ZRANB3: variants seen among roughly 807,000 people sequenced by gnomAD.
ZRANB3 encodes the protein DNA annealing helicase and endonuclease ZRANB3.
ZRANB3 carries 125 observed loss-of-function variants against 133.8 expected under a neutral mutation model. That is an observed-to-expected ratio of 0.93 (90% CI 0.81 to 1.08). The LOEUF is 1.08. Ranked by LOEUF, ZRANB3 falls within the 50% of genes least tolerant of loss-of-function variation. The pLI is 0.00. For synonymous variants in ZRANB3, 387 were observed against 432.7 expected (o/e 0.89, Z 1.31); for missense variants, 1,229 against 1,275.5 (o/e 0.96, Z 0.56).
intron 2 of ZRANB3, among the ~76,000 whole-genome samples, chr2:135,485,648 C>T (rs900250410): frequency 5.3e-5 from 8 of 152,236 alleles, no homozygotes; most frequent in South Asian, 4.1e-4. Context: ...GGAGATATTG[C>T]GGGTTCCGTT....
intron 8 of ZRANB3, among the ~76,000 whole-genome samples, chr2:135,286,368 C>T (rs907121790): frequency 1.3e-5 from 2 of 152,212 alleles, no homozygotes; most frequent in Non-Finnish European, 2.9e-5. Context: ...ACCTCCACAT[C>T]CCAGGTTCAC....
chr2:135,336,429 C>A (rs573366490), intron 6 of ZRANB3, among the ~76,000 whole-genome samples: 5 of 152,270 alleles, frequency 3.3e-5, no homozygotes, highest in African/African-American at 1.2e-4. Context: ...GACACCTTCA[C>A]AGAATCAAAA....
At chr2:135,514,943 G>T (rs1658574379) in intron 1 of ZRANB3, among the ~76,000 whole-genome samples, 1 of 152,114 alleles carries the variant, frequency 6.6e-6, no homozygotes, top group Non-Finnish European at 1.5e-5. Context: ...TACGTTTACT[G>T]ATTTGCATAT....
At chr2:135,411,386 T>C (rs748451658) in intron 2 of ZRANB3, among the ~76,000 whole-genome samples, 8 of 152,112 alleles carry the variant, frequency 5.3e-5, no homozygotes, top group Non-Finnish European at 8.8e-5. Context: ...AAAATAGAAT[T>C]ACCACTCAAA....
At chr2:135,404,029 C>A (rs1337165333) in intron 2 of ZRANB3, among the ~76,000 whole-genome samples, 1 of 152,196 alleles carries the variant, frequency 6.6e-6, no homozygotes, top group Non-Finnish European at 1.5e-5. Flanking sequence ...ACTGGAAACT[C>A]TAACAATCAG....
At chr2:135,291,327 C>T (rs1051823638) in intron 8 of ZRANB3, among the ~76,000 whole-genome samples, 4 of 152,048 alleles carry the variant, frequency 2.6e-5, no homozygotes, top group East Asian at 3.9e-4. Context: ...GTATTACTGG[C>T]GTGTGCCACC....
chr2:135,322,369 TTTGA>T (rs1456637743), intron 6 of ZRANB3, among the ~76,000 whole-genome samples: 1 of 152,136 alleles, frequency 6.6e-6, no homozygotes, highest in Non-Finnish European at 1.5e-5. Flanking sequence ...AAATCTTGGG[TTTGA>T]TTGTTATTGC....
intron 8 of ZRANB3, among the ~76,000 whole-genome samples, chr2:135,295,584 G>T (rs1682021587): frequency 1.3e-5 from 2 of 152,166 alleles, no homozygotes; most frequent in East Asian, 1.9e-4. Flanking sequence ...TACATTTAAG[G>T]TTAATATTGT....
chr2:135,469,244 GACAC>G (rs149939641), intron 2 of ZRANB3, among the ~76,000 whole-genome samples: 15,874 of 147,794 alleles, frequency 0.11, 1,076 homozygotes, highest in South Asian at 0.32. Flanking sequence ...CATGCATGCA[GACAC>G]ACACACACAC....
intron 12 of ZRANB3, among the ~76,000 whole-genome samples, chr2:135,262,215 T>C (rs1002783636): frequency 1.3e-5 from 2 of 150,772 alleles, no homozygotes; most frequent in African/African-American, 4.9e-5. Context: ...AAAGAAAATC[T>C]TACAAATAAT....
chr2:135,242,593 T>G (rs892245200), intron 12 of ZRANB3, among the ~76,000 whole-genome samples: 1 of 152,090 alleles, frequency 6.6e-6, no homozygotes, highest in Non-Finnish European at 1.5e-5. Context: ...TGGCTTTCGG[T>G]AGGTACTTTC....
chr2:135,494,357 T>G (rs1425920176), intron 2 of ZRANB3, among the ~76,000 whole-genome samples: 15 of 97,476 alleles, frequency 1.5e-4, no homozygotes, highest in South Asian at 3.6e-4. Context: ...GGAAGGAAAA[T>G]AAAGGAAAGA....
At chr2:135,421,496 AT>A (rs1688840094) in intron 2 of ZRANB3, among the ~76,000 whole-genome samples, 1 of 152,042 alleles carries the variant, frequency 6.6e-6, no homozygotes, top group Non-Finnish European at 1.5e-5. Context: ...TATTAGCCAT[AT>A]TTTCCCCCTT....
At chr2:135,480,034 C>T (rs761477195) in intron 2 of ZRANB3, among the ~76,000 whole-genome samples, 2 of 151,524 alleles carry the variant, frequency 1.3e-5, no homozygotes, top group South Asian at 2.1e-4. Flanking sequence ...CCTGGGTTCA[C>T]GCCATTCTCC....
In ZRANB3 at chr2:135,338,043, G is replaced by A. The variant is rs548911783; in HGVS notation, c.677+7507C>T. ...TGCTTCTCCAAGATGACTGTGCTGC[G>A]TATTTTTTAATACTATGTCAATTTT... On this transcript the variant is annotated intron_variant, in intron 6 of 20. Transcript: ENST00000264159. Among the ~76,000 whole-genome samples, 122 of 152,186 alleles carry A rather than the reference G, an allele frequency of 8.0e-4. 1 individual carries two copies. The highest frequency in any genetic ancestry group is 2.6e-3 in the African/African-American group (107 of 41,528).
chr2:135,275,529 T>A, intron 9 of ZRANB3, 107 bp downstream of exon 9: 2 of 835,536 alleles, frequency 2.4e-6, no homozygotes, highest in Non-Finnish European at 3.3e-6. Context: ...TTATATACCA[T>A]CATCTAAAGA....
At chr2:135,307,354 C>T (rs1332211969) in intron 8 of ZRANB3, among the ~76,000 whole-genome samples, 1 of 152,208 alleles carries the variant, frequency 6.6e-6, no homozygotes, top group Non-Finnish European at 1.5e-5. Context: ...GTGTAAGCCA[C>T]CACACCCGGC....
At chr2:135,293,537 G>C (rs1297679160) in intron 8 of ZRANB3, among the ~76,000 whole-genome samples, 4 of 152,300 alleles carry the variant, frequency 2.6e-5, no homozygotes, top group South Asian at 2.1e-4. Context: ...CATGTCATCT[G>C]CAAACAGGGA....
rs529149525 is a variant in ZRANB3, at chr2:135,254,415, C to T, written c.1539+11119G>A. ...AAAGAAAGTTAGCTATTTTCCTTAT[C>T]TTCGCATTCTCAAAATTTAGCATAT... On this transcript the variant is annotated intron_variant, in intron 12 of 20. Coordinates refer to ENST00000264159, the MANE Select transcript of ZRANB3 (RefSeq NM_032143.4). Among the ~76,000 whole-genome samples, 11 of 152,120 alleles carry T rather than the reference C, an allele frequency of 7.2e-5. No individual in the cohort carries two copies. In the East Asian group the frequency reaches 1.5e-3, roughly 21 times the overall value.
Sources: allele counts gnomAD v4.1 joint callset (sites outside exome capture counted in the v4.1 genomes callset), GRCh38; gene constraint gnomAD v4.1.1; transcripts MANE v1.5; gene names NCBI Gene and HGNC (gene_info 2026-07-23, HGNC 2026-07-21).